The following AFG2A variants were observed in gnomAD, a reference collection of about 807,000 sequenced individuals.
The protein encoded by AFG2A is AAA ATPase AFG2A, also known as ATPase family gene 2 protein homolog A.
the AFG2A span, among the ~76,000 whole-genome samples, chr4:123,279,614 G>A: frequency 6.6e-6 from 1 of 152,072 alleles, no homozygotes; most frequent in Admixed American, 6.6e-5. Context: ...TTTCTTCCTA[G>A]GGTCATTGTG....
chr4:123,293,408 G>T, the AFG2A span, among the ~76,000 whole-genome samples: 2 of 152,104 alleles, frequency 1.3e-5, no homozygotes, highest in Non-Finnish European at 2.9e-5. Context: ...AATTAATTTT[G>T]TCCCACAGGG....
At chr4:123,029,315 G>A in the AFG2A span, among the ~76,000 whole-genome samples, 25 of 152,150 alleles carry the variant, frequency 1.6e-4, no homozygotes, top group Admixed American at 3.3e-4. Context: ...CTCATGATCC[G>A]CCTGCCTCGG....
At chr4:123,097,980 CTCATAAA>C in the AFG2A span, among the ~76,000 whole-genome samples, 1 of 152,028 alleles carries the variant, frequency 6.6e-6, no homozygotes, top group Admixed American at 6.6e-5. Flanking sequence ...GCTTTCAGTC[CTCATAAA>C]TAAAGCTTTA....
chr4:123,063,737 C>G, the AFG2A span, among the ~76,000 whole-genome samples: 1 of 149,580 alleles, frequency 6.7e-6, no homozygotes, highest in Admixed American at 6.6e-5. Context: ...CAGAGCGAGA[C>G]TGTCTCAAAA....
At chr4:123,202,881 G>A in the AFG2A span, among the ~76,000 whole-genome samples, 1 of 152,044 alleles carries the variant, frequency 6.6e-6, no homozygotes, top group Admixed American at 6.6e-5. Context: ...GTCACAGCTG[G>A]GCACGATGGC....
At chr4:123,155,302 T>C in the AFG2A span, among the ~76,000 whole-genome samples, 1 of 152,164 alleles carries the variant, frequency 6.6e-6, no homozygotes, top group African/African-American at 2.4e-5. Context: ...CAGGCTGGTC[T>C]TGAATGCCTG....
the AFG2A span, among the ~76,000 whole-genome samples, chr4:122,931,404 C>G: frequency 6.6e-6 from 1 of 151,986 alleles, no homozygotes; most frequent in South Asian, 2.1e-4. Flanking sequence ...TTGCCTTGAA[C>G]ACCGTTAGCA....
chr4:122,953,391 G>A, the AFG2A span, among the ~76,000 whole-genome samples: 7 of 152,186 alleles, frequency 4.6e-5, no homozygotes, highest in African/African-American at 1.7e-4. Context: ...TGGAACCAAC[G>A]AATGTCACCA....
the AFG2A span, among the ~76,000 whole-genome samples, chr4:123,088,785 T>C: frequency 6.6e-6 from 1 of 152,184 alleles, no homozygotes; most frequent in Non-Finnish European, 1.5e-5. Flanking sequence ...GCCATAATTG[T>C]TAGTTTCCTG....
At chr4:123,212,019 CA>C in the AFG2A span, among the ~76,000 whole-genome samples, 7 of 152,110 alleles carry the variant, frequency 4.6e-5, no homozygotes, top group Non-Finnish European at 1.0e-4. Flanking sequence ...TTGGTTTTTA[CA>C]TACACATTTC....
chr4:123,175,788 C>T, the AFG2A span, among the ~76,000 whole-genome samples: 1 of 152,128 alleles, frequency 6.6e-6, no homozygotes, highest in African/African-American at 2.4e-5. Flanking sequence ...ACGGATGCAT[C>T]CTGTGGAACG....
the AFG2A span, among the ~76,000 whole-genome samples, chr4:123,115,344 G>A: frequency 3.9e-5 from 6 of 152,056 alleles, no homozygotes; most frequent in Non-Finnish European, 7.4e-5. Context: ...TTGCAGCGTC[G>A]GTGGCCCGGG....
chr4:123,253,832 C>T, the AFG2A span, among the ~76,000 whole-genome samples: 1 of 152,098 alleles, frequency 6.6e-6, no homozygotes, highest in South Asian at 2.1e-4. Flanking sequence ...TTCCCATTAA[C>T]AGTGTATGTA....
chr4:123,134,844 A>G, the AFG2A span, among the ~76,000 whole-genome samples: 1 of 152,230 alleles, frequency 6.6e-6, no homozygotes, highest in East Asian at 1.9e-4. Flanking sequence ...AAGAAGGGCT[A>G]ATACTAATCC....
chr4:123,305,337 A>G, the AFG2A span, among the ~76,000 whole-genome samples: 11 of 151,786 alleles, frequency 7.2e-5, no homozygotes, highest in Non-Finnish European at 1.3e-4. Context: ...TGGTTCCCCT[A>G]CTCCTCAGGC....
chr4:122,930,928 GT>G, the AFG2A span, among the ~76,000 whole-genome samples: 15 of 112,052 alleles, frequency 1.3e-4, no homozygotes, highest in Non-Finnish European at 2.3e-4. Flanking sequence ...AAAATCTTAT[GT>G]TTTAAAAAAT....
the AFG2A span, among the ~76,000 whole-genome samples, chr4:123,184,532 CTTTTTTTTTT>C: frequency 1.1e-5 from 1 of 89,280 alleles, no homozygotes; most frequent in African/African-American, 4.5e-5. Context: ...ATGATCATTT[CTTTTTTTTTT>C]TTTTTTTTTT....
the AFG2A span, chr4:122,923,115 A>G: frequency 3.7e-6 from 6 of 1,612,876 alleles, no homozygotes; most frequent in African/African-American, 2.7e-5. Flanking sequence ...CGGCTTTTCT[A>G]CTGCTTCGGC....
the AFG2A span, among the ~76,000 whole-genome samples, chr4:122,924,800 TA>T: frequency 2.6e-5 from 4 of 152,176 alleles, no homozygotes; most frequent in South Asian, 8.3e-4. Context: ...CTTTAAAATT[TA>T]TAATAGGTCA....
Sources: allele counts gnomAD v4.1 joint callset (sites outside exome capture counted in the v4.1 genomes callset), GRCh38; gene constraint gnomAD v4.1.1; transcripts MANE v1.5; gene names NCBI Gene and HGNC (gene_info 2026-07-23, HGNC 2026-07-21).